NFASC: variants seen among roughly 807,000 people sequenced by gnomAD.
The protein encoded by NFASC is neurofascin homolog.
NFASC carries 43 observed loss-of-function variants against 147.5 expected under a neutral mutation model. The ratio of observed to expected loss-of-function variants is 0.29; its 90% CI spans 0.23 to 0.38. The LOEUF is 0.38. Among genes scored for constraint, NFASC ranks in the 10% least tolerant of loss-of-function variants. NFASC has a pLI of 1.00. For missense variants in NFASC, 1,320 were observed against 1,689.0 expected, an observed-to-expected ratio of 0.78 and a Z score of 3.83; for synonymous variants, 622 against 665.5, an observed-to-expected ratio of 0.93 and a Z score of 1.01.
intron 2 of NFASC, among the ~76,000 whole-genome samples, chr1:204,929,082 C>T (rs188642046): frequency 6.6e-6 from 1 of 152,264 alleles, no homozygotes; most frequent in Admixed American, 6.5e-5. Flanking sequence ...TCAGCCAAAT[C>T]CCTAATCCTA....
chr1:204,860,045 G>A (rs1039324589), intron 1 of NFASC, among the ~76,000 whole-genome samples: 5 of 152,252 alleles, frequency 3.3e-5, no homozygotes, highest in South Asian at 2.1e-4. Flanking sequence ...AGAGTGTGGC[G>A]TGGGCTGCCC....
At chr1:204,839,504 C>T (rs941207489) in intron 1 of NFASC, among the ~76,000 whole-genome samples, 9 of 152,068 alleles carry the variant, frequency 5.9e-5, no homozygotes, top group Non-Finnish European at 1.2e-4. Flanking sequence ...AGATTACATG[C>T]GTGTCCCTGT....
At chr1:204,904,623 T>C (rs1003703733) in intron 1 of NFASC, among the ~76,000 whole-genome samples, 1 of 152,240 alleles carries the variant, frequency 6.6e-6, no homozygotes, top group African/African-American at 2.4e-5. Context: ...ACATTTCTTA[T>C]CTATCTCTGC....
chr1:204,921,545 T>G (rs1218156916), intron 2 of NFASC, among the ~76,000 whole-genome samples: 1 of 149,024 alleles, frequency 6.7e-6, no homozygotes, highest in Non-Finnish European at 1.5e-5. Flanking sequence ...GAGTTGGAGC[T>G]GGGGGGAGGG....
At chr1:204,926,400 ATATATATTTTTTTTTTTT>A (rs1428371411) in intron 2 of NFASC, among the ~76,000 whole-genome samples, 16 of 29,604 alleles carry the variant, frequency 5.4e-4, no homozygotes, top group South Asian at 2.7e-3. Flanking sequence ...ATATATATAT[ATATATATTTTTTTTTTTT>A]TTTTTTTTTT....
At chr1:204,862,967 G>A (rs185053643) in intron 1 of NFASC, among the ~76,000 whole-genome samples, 27 of 152,346 alleles carry the variant, frequency 1.8e-4, no homozygotes, top group African/African-American at 4.8e-4. Flanking sequence ...CCAATGTGCT[G>A]GGTGTGTTTG....
intron 1 of NFASC, among the ~76,000 whole-genome samples, chr1:204,835,409 G>A (rs182323175): frequency 1.8e-3 from 278 of 151,930 alleles, no homozygotes; most frequent in African/African-American, 6.4e-3. Context: ...TGTATTTTTT[G>A]TAGAGATGGG....
At chr1:204,988,876 A>T in intron 23 of NFASC, 70 bp downstream of exon 23, 1 of 1,451,188 alleles carries the variant, frequency 6.9e-7, no homozygotes, top group Non-Finnish European at 9.7e-7. Flanking sequence ...AAACACTGAG[A>T]TCTGTAGCTG....
In NFASC at chr1:204,939,034, ATGGATGTGTGTG is replaced by A. The variant is rs1472361464; in HGVS notation, c.-90-5189_-90-5178del. Among the ~76,000 whole-genome samples, 11 of 61,412 alleles carry A rather than the reference ATGGATGTGTGTG, an allele frequency of 1.8e-4. 1 individual carries two copies. The highest frequency in any genetic ancestry group is 6.2e-4 in the African/African-American group (11 of 17,648). 40.3% of individuals were successfully genotyped at this position (61,412 alleles called of 152,430 possible). The stretch of plus-strand genomic sequence containing the variant: ...TCTATTCTCTTTTCTTCCTGTATGG[ATGGATGTGTGTG>A]TGTGTGTGTGTGTGTGTGTGTGTGT... On this transcript the variant is annotated intron_variant, in intron 2 of 29. Transcript: ENST00000339876.
intron 25 of NFASC, chr1:204,999,884 ATAAAATATACAG>A (rs1298952272): frequency 9.2e-5 from 14 of 152,372 alleles, no homozygotes; most frequent in Non-Finnish European, 1.8e-4. Context: ...TTGCATGCTA[ATAAAATATACAG>A]CAGCCACACT....
At chr1:204,830,218 C>T (rs762119417) in intron 1 of NFASC, among the ~76,000 whole-genome samples, 3 of 152,156 alleles carry the variant, frequency 2.0e-5, no homozygotes, top group Non-Finnish European at 2.9e-5. Context: ...AGCCACAGGG[C>T]TTTGAGACCT....
At chr1:204,891,189 A>G (rs915624241) in intron 1 of NFASC, among the ~76,000 whole-genome samples, 1 of 152,176 alleles carries the variant, frequency 6.6e-6, no homozygotes, top group Non-Finnish European at 1.5e-5. Context: ...TTACAACTTT[A>G]TTAGGGAGTG....
chr1:205,011,342 G>A (rs543104209), intron 28 of NFASC, among the ~76,000 whole-genome samples: 3 of 152,144 alleles, frequency 2.0e-5, no homozygotes, highest in African/African-American at 4.8e-5. Flanking sequence ...GGAAATGATT[G>A]TCCCTTACTG....
intron 24 of NFASC, among the ~76,000 whole-genome samples, chr1:204,996,015 G>A (rs1187263326): frequency 2.0e-5 from 3 of 152,092 alleles, no homozygotes; most frequent in African/African-American, 7.2e-5. Flanking sequence ...AAGGAGGAGA[G>A]GGGGCTTTGT....
intron 1 of NFASC, among the ~76,000 whole-genome samples, chr1:204,866,908 T>G (rs1194385203): frequency 6.6e-6 from 1 of 152,140 alleles, no homozygotes; most frequent in Non-Finnish European, 1.5e-5. Flanking sequence ...GGTTAGTGCG[T>G]GGACATGAAG....
chr1:204,930,303 C>T (rs190280260), intron 2 of NFASC, among the ~76,000 whole-genome samples: 3 of 152,126 alleles, frequency 2.0e-5, no homozygotes, highest in East Asian at 1.9e-4. Context: ...TCTGCAGAGC[C>T]GGGGCAGGCT....
intron 2 of NFASC, 41 bp downstream of exon 2, chr1:204,920,781 G>A (rs76242821): frequency 0.066 from 65,653 of 991,990 alleles, 2,563 homozygotes; most frequent in South Asian, 0.086. Flanking sequence ...CATTGGAGGG[G>A]TGAGAATGAG....
At chr1:204,976,912 G>A (rs2095418097) in intron 16 of NFASC, 117 bp downstream of exon 16, 3 of 1,490,330 alleles carry the variant, frequency 2.0e-6, no homozygotes, top group South Asian at 1.4e-5. Context: ...GCCGGGTCAG[G>A]CGTGGTGATC....
chr1:204,956,012 T>G (rs1391694468), intron 7 of NFASC, among the ~76,000 whole-genome samples: 1 of 152,238 alleles, frequency 6.6e-6, no homozygotes, highest in Non-Finnish European at 1.5e-5. Flanking sequence ...CACAGGCTGC[T>G]GGCCTCACTT....
Sources: gnomAD v4.1 joint callset for allele counts (sites outside exome capture counted in the v4.1 genomes callset) on GRCh38, gnomAD v4.1.1 for gene constraint, MANE v1.5 for transcripts, NCBI Gene and HGNC (gene_info 2026-07-23, HGNC 2026-07-21) for gene names.